Variants in PACSIN1 observed in about 807,000 individuals in gnomAD.
The protein encoded by PACSIN1 is protein kinase C and casein kinase substrate in neurons 1, also known as protein kinase C and casein kinase substrate in neurons protein 1.
In PACSIN1, 15 loss-of-function variants were observed where a neutral mutation model predicts 59.5. The observed-to-expected ratio is 0.25, with a 90% CI of 0.17 to 0.39. The LOEUF (loss-of-function observed/expected upper bound fraction) is 0.39. Among genes scored for constraint, PACSIN1 ranks in the 10% least tolerant of loss-of-function variants. The probability of loss-of-function intolerance (pLI) is 1.00; values close to 1 mark genes in which losing one functional copy is unlikely to be tolerated. For missense variants in PACSIN1, 420 were observed against 580.2 expected (o/e 0.72, Z 2.84); for synonymous variants, 210 against 220.6 (o/e 0.95, Z 0.42).
chr6:34,519,165 C>T (rs1256013814), intron 1 of PACSIN1, among the ~76,000 whole-genome samples: 1 of 152,074 alleles, frequency 6.6e-6, no homozygotes, highest in Admixed American at 6.5e-5. Flanking sequence ...CTGAGGCTCG[C>T]CTGTTCTCAC....
chr6:34,529,945 G>T lies in PACSIN1; in HGVS notation c.788+104G>T. The T allele has an allele frequency of 1.6e-6, 2 of 1,280,072 alleles. No homozygotes were observed. The highest frequency in any genetic ancestry group is 2.6e-4 in the Middle Eastern group (1 of 3,920). The allele number at this position is 1,280,072 out of a possible 1,614,324, so 79.3% of individuals were successfully genotyped here. ...TCCATCACAGTGACGGGAAGGGGAG[G>T]CAGAGCTGCAGGGGTCAAGAAGGAT... On this transcript the variant is annotated intron_variant, in intron 6 of 9. Coordinates refer to ENST00000244458, the MANE Select transcript of PACSIN1 (RefSeq NM_020804.5). This position sits in a 1 kb window ranked among gnomAD's most constrained non-coding sequence, Gnocchi z 6.3.
At chr6:34,523,080 C>G (rs538823233) in intron 1 of PACSIN1, among the ~76,000 whole-genome samples, 1 of 152,334 alleles carries the variant, frequency 6.6e-6, no homozygotes, top group Admixed American at 6.5e-5. Flanking sequence ...CAAGCTGACC[C>G]CTGAAATTAA....
chr6:34,478,092 C>T (rs1395178321), intron 1 of PACSIN1, among the ~76,000 whole-genome samples: 1 of 144,580 alleles, frequency 6.9e-6, no homozygotes, highest in East Asian at 2.0e-4. Flanking sequence ...CAAAGTCTCG[C>T]TCTGACGCCC....
At position 34,528,891 on chromosome 6, in the gene PACSIN1, G is replaced by GAGGC; in HGVS notation, c.456+14_456+15insAGGC. The GAGGC allele has an allele frequency of 6.7e-7, 1 of 1,491,978 alleles. No individual in the cohort carries two copies. Among genetic ancestry groups the GAGGC allele is most frequent in the Non-Finnish European group, 9.2e-7 (1 of 1,081,240 alleles). The allele number at this position is 1,491,978 out of a possible 1,614,324, so 92.4% of individuals were successfully genotyped here. On this transcript the variant is annotated intron_variant, in intron 4 of 9. Transcript: ENST00000244458. ...AAGATGAAGGAGGTGCTCAGTGGGT[G>GAGGC]CTGCCACGGGCGGGGTGGGGTGGGC...
rs1403829642 is a variant in PACSIN1 at position 34,530,965 on chromosome 6, G to A, written c.1037+378G>A. Among the ~76,000 whole-genome samples, 2 of 152,214 alleles carry A rather than the reference G, an allele frequency of 1.3e-5. No individual in the cohort carries two copies. The highest frequency in any genetic ancestry group is 3.9e-4 in the East Asian group (2 of 5,190). ...CTGATCTAACAGGAGGTGCAGCTCA[G>A]GCGATAATGCTCCCTCGCCTGTCAC... On this transcript the variant is annotated intron_variant, in intron 8 of 9. Transcript: ENST00000244458. This position sits in a 1 kb window ranked among gnomAD's most constrained non-coding sequence, Gnocchi z 4.4.
chr6:34,471,253 T>A (rs1766568074), intron 1 of PACSIN1, among the ~76,000 whole-genome samples: 1 of 152,196 alleles, frequency 6.6e-6, no homozygotes, highest in Non-Finnish European at 1.5e-5. Context: ...TGGCCCTGAA[T>A]TTTTATTGAC....
At position 34,531,814 on chromosome 6, in the gene PACSIN1, T is replaced by C. The variant is rs748773442; in HGVS notation, c.1225+27T>C. 4.6e-6 allele frequency: 7 copies of C among 1,535,606 alleles called. No individual in the cohort carries two copies. Among genetic ancestry groups the C allele is most frequent in the East Asian group, 4.6e-5 (2 of 43,660 alleles). ...TAGGACGGCTGGGCGGGGCAGTGCCTGAGAGAGGCTTGGGCCTGGATTGGG... is the reference window on the plus strand; with the variant it reads ...TAGGACGGCTGGGCGGGGCAGTGCCCGAGAGAGGCTTGGGCCTGGATTGGG... On this transcript the variant is annotated intron_variant, in intron 9 of 9. Transcript: ENST00000244458. The surrounding 1 kb of genome is among the most constrained non-coding windows in gnomAD (Gnocchi z 4.4).
At chr6:34,520,489 T>A (rs932740271) in intron 1 of PACSIN1, among the ~76,000 whole-genome samples, 1 of 152,202 alleles carries the variant, frequency 6.6e-6, no homozygotes, top group Non-Finnish European at 1.5e-5. Context: ...CCCCTGGGTC[T>A]GAGTCTGGCT....
chr6:34,484,425 A>G (rs1356344564), intron 1 of PACSIN1, among the ~76,000 whole-genome samples: 1 of 152,242 alleles, frequency 6.6e-6, no homozygotes, highest in Non-Finnish European at 1.5e-5. Flanking sequence ...TAAAAAGATC[A>G]GTAGTTATCA....
intron 1 of PACSIN1, among the ~76,000 whole-genome samples, chr6:34,481,900 A>G (rs1283698130): frequency 2.0e-5 from 3 of 152,174 alleles, no homozygotes; most frequent in African/African-American, 7.2e-5. Context: ...ATTCCAGAAT[A>G]TTCCATAACT....
Position 34,488,653 on chromosome 6 carries a change from G to C in PACSIN1, c.-64+22383G>C, listed in dbSNP as rs886546901. On this transcript the variant is annotated intron_variant, in intron 1 of 9. Coordinates refer to ENST00000244458, the MANE Select transcript of PACSIN1 (RefSeq NM_020804.5). The surrounding 1 kb of genome is among the most constrained non-coding windows in gnomAD (Gnocchi z 4.7). ...ACTCAGCACCATACAGTAGTCATTA[G>C]AGTGTGTGCCATGTTCCAGAAGACA... is the stretch of plus-strand genomic sequence containing the variant. 2.0e-5 allele frequency among the ~76,000 whole-genome samples: 3 copies of C among 152,182 alleles called. No homozygotes were observed. Among genetic ancestry groups the C allele is most frequent in the African/African-American group, 7.2e-5 (3 of 41,450 alleles).
At chr6:34,484,202 G>A (rs928656271) in intron 1 of PACSIN1, among the ~76,000 whole-genome samples, 1 of 152,166 alleles carries the variant, frequency 6.6e-6, no homozygotes, top group Non-Finnish European at 1.5e-5. Flanking sequence ...CAATCAAGAT[G>A]TCCTTCAATA....
At chr6:34,509,003 C>G (rs1333397721) in intron 1 of PACSIN1, among the ~76,000 whole-genome samples, 11 of 152,084 alleles carry the variant, frequency 7.2e-5, no homozygotes, top group Admixed American at 7.2e-4. Context: ...AGTGCTTAGG[C>G]TTTTTAGTTT....
rs569664970 is a variant in PACSIN1, at chr6:34,514,587, A to G, written c.-63-11656A>G. Among the ~76,000 whole-genome samples the G allele has an allele frequency of 3.3e-5, 5 of 151,922 alleles. No individual in the cohort carries two copies. The highest frequency in any genetic ancestry group is 7.4e-5 in the Non-Finnish European group (5 of 67,982). ...TTGGGAGGTGGGATCTTGGGGAGAAAGGGAAGAAAGGGGATGGAGCAGGGC... is the reference window on the plus strand; with the variant it reads ...TTGGGAGGTGGGATCTTGGGGAGAAGGGGAAGAAAGGGGATGGAGCAGGGC... On this transcript the variant is annotated intron_variant, in intron 1 of 9. Transcript: ENST00000244458. This position sits in a 1 kb window ranked among gnomAD's most constrained non-coding sequence, Gnocchi z 4.4.
In PACSIN1 at chr6:34,515,537, C is replaced by T. The variant is rs1208311545; in HGVS notation, c.-63-10706C>T. 6.6e-6 allele frequency among the ~76,000 whole-genome samples: 1 copy of T among 152,188 alleles called. No individual in the cohort carries two copies. The highest frequency in any genetic ancestry group is 1.5e-5 in the Non-Finnish European group (1 of 68,032). On this transcript the variant is annotated intron_variant, in intron 1 of 9. Coordinates refer to ENST00000244458, the MANE Select transcript of PACSIN1 (RefSeq NM_020804.5). This position sits in a 1 kb window ranked among gnomAD's most constrained non-coding sequence, Gnocchi z 4.4. The stretch of plus-strand genomic sequence containing the variant: ...CTCCCACCCCCGATGACACCAGAGC[C>T]TCCCTGCTGGCCCTGGATGGTCTCA...
intron 1 of PACSIN1, among the ~76,000 whole-genome samples, chr6:34,497,837 G>A (rs1015958788): frequency 3.3e-5 from 5 of 152,252 alleles, no homozygotes; most frequent in Middle Eastern, 3.4e-3. Context: ...TGGGCCCAGT[G>A]TATACCCTAT....
At chr6:34,513,688 G>C (rs1767240561) in intron 1 of PACSIN1, among the ~76,000 whole-genome samples, 1 of 151,996 alleles carries the variant, frequency 6.6e-6, no homozygotes, top group Non-Finnish European at 1.5e-5. Context: ...CTAGGCTGAG[G>C]GGGCTCTAGG....
Position 34,528,661 on chromosome 6 carries a change from G to A in PACSIN1, c.240G>A (p.Leu80=). 3 of 1,613,868 alleles carry A rather than the reference G, an allele frequency of 1.9e-6. No individual in the cohort carries two copies. Among genetic ancestry groups the A allele is most frequent in the Non-Finnish European group, 2.5e-6 (3 of 1,179,906 alleles). ...LIEKGPQYGS[L]ERAWGAIMTE... Reference sequence around the variant, plus strand: ...CCTCAGGCCCACAGTATGGCAGCCTGGAGCGGGCCTGGGGTGCCATAATGA... The same window carrying A: ...CCTCAGGCCCACAGTATGGCAGCCTAGAGCGGGCCTGGGGTGCCATAATGA... Residue 80 remains leucine, a synonymous_variant, in exon 4 of 10, where the codon CTG becomes CTA. Coordinates refer to ENST00000244458, the MANE Select transcript of PACSIN1 (RefSeq NM_020804.5).
rs188835953 is a variant in PACSIN1, at chr6:34,470,155, G to T, written c.-64+3885G>T. Among the ~76,000 whole-genome samples, 45 of 152,100 alleles carry T rather than the reference G, an allele frequency of 3.0e-4. 1 individual carries two copies. The East Asian group carries it at 8.4e-3, about 28-fold the overall frequency. On this transcript the variant is annotated intron_variant, in intron 1 of 9. Coordinates refer to ENST00000244458, the MANE Select transcript of PACSIN1 (RefSeq NM_020804.5). ...GGGCTGCAGGATACCTGAAAACTGG[G>T]AGGGCAGGGGAGGCCTTGGCTATTA...
Sources: allele counts gnomAD v4.1 joint callset (sites outside exome capture counted in the v4.1 genomes callset), GRCh38; gene constraint gnomAD v4.1.1; non-coding constraint Gnocchi (gnomAD v3.1); transcripts MANE v1.5; gene names NCBI Gene and HGNC (gene_info 2026-07-23, HGNC 2026-07-21).